Variants in POLE4 observed in about 807,000 individuals in gnomAD.
POLE4 encodes the protein DNA polymerase epsilon 4, accessory subunit.
POLE4 carries 15 observed loss-of-function variants against 15.6 expected under a neutral mutation model. The ratio of observed to expected loss-of-function variants is 0.96; its 90% CI spans 0.64 to 1.48. The LOEUF (loss-of-function observed/expected upper bound fraction) is 1.48. Among genes scored for constraint, POLE4 ranks in the 40% most tolerant of loss-of-function variants. POLE4 has a pLI of 0.00. For synonymous variants in POLE4, 83 were observed against 63.2 expected, an observed-to-expected ratio of 1.31 and a Z score of -1.49; for missense variants, 205 against 151.9, an observed-to-expected ratio of 1.35 and a Z score of -1.84.
At chr2:74,963,184 C>G (rs1401870876) in intron 3 of POLE4, among the ~76,000 whole-genome samples, 1 of 152,198 alleles carries the variant, frequency 6.6e-6, no homozygotes, top group Non-Finnish European at 1.5e-5. Context: ...GTATTCGTAT[C>G]TCCATCTTTG....
rs1218262878 is a variant in POLE4 at position 74,969,431 on chromosome 2, CG to C, written c.*13del. On this transcript the variant is annotated 3_prime_UTR_variant, in exon 4 of 4. Coordinates refer to ENST00000483063, the MANE Select transcript of POLE4 (RefSeq NM_019896.4). ...TAGGTACTTTAGATTGATTGCCGAG[CG>C]GGGCAGTTTTGTGAGCCTTCATCTG... 2 of 1,613,446 alleles carry C rather than the reference CG, an allele frequency of 1.2e-6. No individual in the cohort carries two copies. Among genetic ancestry groups the C allele is most frequent in the Admixed American group, 1.7e-5 (1 of 60,000 alleles).
At chr2:74,962,565 T>C (rs928537070) in intron 3 of POLE4, among the ~76,000 whole-genome samples, 2 of 152,248 alleles carry the variant, frequency 1.3e-5, no homozygotes, top group African/African-American at 4.8e-5. Context: ...GGATATTTTA[T>C]GCAAATATGT....
In POLE4 at chr2:74,960,041, C is replaced by G; in HGVS notation, c.299-64C>G. 2.2e-6 allele frequency: 3 copies of G among 1,388,420 alleles called. No homozygotes were observed. The East Asian group carries it at 6.8e-5, about 32-fold the overall frequency. 86.0% of individuals were successfully genotyped at this position (1,388,420 alleles called of 1,614,324 possible). On this transcript the variant is annotated intron_variant, in intron 2 of 3. Transcript: ENST00000483063. ...CTCATGCCCTTCACTGCAGATTGTG[C>G]TGTTTTCTGACTGAGGTCAGCATGG...
intron 2 of POLE4, 114 bp downstream of exon 2, chr2:74,959,539 C>T: frequency 1.5e-6 from 1 of 672,282 alleles, no homozygotes; most frequent in Non-Finnish European, 2.6e-6. Flanking sequence ...CGTCTCTCCC[C>T]AGGATGGTTT....
chr2:74,960,169 A>G (rs770207259), intron 3 of POLE4, 23 bp downstream of exon 3: 11 of 1,593,282 alleles, frequency 6.9e-6, no homozygotes, highest in East Asian at 4.5e-5. Context: ...TCAGTGGGCA[A>G]TCATTTCCGC....
intron 3 of POLE4, among the ~76,000 whole-genome samples, chr2:74,966,182 A>G (rs950937061): frequency 2.0e-5 from 3 of 151,608 alleles, no homozygotes; most frequent in African/African-American, 2.4e-5. Context: ...TCCTTAATTT[A>G]TCAAAGCCTA....
At chr2:74,961,025 CT>C (rs1240423268) in intron 3 of POLE4, 1 of 158,624 alleles carries the variant, frequency 6.3e-6, no homozygotes, top group Non-Finnish European at 1.4e-5. Context: ...TACCATCTAG[CT>C]TTGTGTAAGT....
intron 3 of POLE4, among the ~76,000 whole-genome samples, chr2:74,967,040 C>T (rs1243085617): frequency 6.6e-6 from 1 of 151,856 alleles, no homozygotes; most frequent in Non-Finnish European, 1.5e-5. Context: ...TCTGTGGTTT[C>T]ACTCTGATGT....
chr2:74,968,912 G>GT (rs1041504145), intron 3 of POLE4, among the ~76,000 whole-genome samples: 18 of 151,832 alleles, frequency 1.2e-4, no homozygotes, highest in Non-Finnish European at 2.1e-4. Context: ...CTGTTACTCA[G>GT]TTTTTTGTTG....
chr2:74,961,119 A>G (rs1671215097), intron 3 of POLE4: 1 of 152,716 alleles, frequency 6.5e-6, no homozygotes, highest in African/African-American at 2.4e-5. Context: ...GTTGAGCGAC[A>G]CATGTATTTT....
intron 3 of POLE4, among the ~76,000 whole-genome samples, chr2:74,963,180 G>A (rs187414800): frequency 7.2e-5 from 11 of 152,252 alleles, no homozygotes; most frequent in African/African-American, 1.7e-4. Context: ...TAGAGTATTC[G>A]TATCTCCATC....
At chr2:74,966,568 GT>G (rs950064117) in intron 3 of POLE4, among the ~76,000 whole-genome samples, 1 of 151,756 alleles carries the variant, frequency 6.6e-6, no homozygotes, top group Non-Finnish European at 1.5e-5. Context: ...AGCCTGGCTA[GT>G]TTTTTTTGTA....
chr2:74,966,894 A>T (rs1671303952), intron 3 of POLE4, among the ~76,000 whole-genome samples: 1 of 151,014 alleles, frequency 6.6e-6, no homozygotes, highest in Admixed American at 6.6e-5. Context: ...TTCTTTTAGC[A>T]CATTGAAGCT....
At chr2:74,968,829 G>A (rs72822163) in intron 3 of POLE4, among the ~76,000 whole-genome samples, 2,666 of 151,812 alleles carry the variant, frequency 0.018, 20 homozygotes, top group African/African-American at 0.022. Context: ...CTCCTTTTCT[G>A]CTGCAGCCCC....
Position 74,958,713 on chromosome 2 carries a change from C to T in POLE4, c.34C>T (p.Pro12Ser). The change falls in exon 1 of 4, where the codon CCC (proline) becomes TCC (serine). Residue 12 changes from proline (P) to serine (S), a missense_variant. Coordinates refer to ENST00000483063, the MANE Select transcript of POLE4 (RefSeq NM_019896.4). The stretch of plus-strand genomic sequence containing the variant: ...GGCGGCGGCGGCAGGAAGCGGGACG[C>T]CCCGAGAGGAGGAGGGACCTGCTGG... ...AAAAAAGSGT[P>S]REEEGPAGEA... 1.3e-6 allele frequency: 2 copies of T among 1,491,992 alleles called. No homozygotes were observed. The highest frequency in any genetic ancestry group is 8.9e-7 in the Non-Finnish European group (1 of 1,124,606). The allele number at this position is 1,491,992 out of a possible 1,614,324, so 92.4% of individuals were successfully genotyped here.
In POLE4 at chr2:74,961,994, C is replaced by T. The variant is rs553801214; in HGVS notation, c.340+1848C>T. Among the ~76,000 whole-genome samples, 13 of 152,236 alleles carry T rather than the reference C, an allele frequency of 8.5e-5. 1 individual carries two copies. The East Asian group carries it at 1.2e-3, about 14-fold the overall frequency. The stretch of plus-strand genomic sequence containing the variant: ...ATGGCTTATAATGAAGTACAGCTGC[C>T]GTCCACCCACTGTTTTGTTTGTGTT... On this transcript the variant is annotated intron_variant, in intron 3 of 3. Transcript: ENST00000483063.
At chr2:74,966,072 G>T (rs1203301072) in intron 3 of POLE4, among the ~76,000 whole-genome samples, 3 of 144,902 alleles carry the variant, frequency 2.1e-5, no homozygotes, top group African/African-American at 5.1e-5. Context: ...CTCAATTTTT[G>T]GCCTTCTTTT....
intron 2 of POLE4, 161 bp downstream of exon 2, chr2:74,959,586 G>A (rs371946149): frequency 3.8e-5 from 22 of 581,256 alleles, no homozygotes; most frequent in East Asian, 3.5e-4. Context: ...TACCTGTAGA[G>A]GCTGTCTGCT....
chr2:74,965,450 T>C (rs995233559), intron 3 of POLE4, among the ~76,000 whole-genome samples: 73 of 152,318 alleles, frequency 4.8e-4, no homozygotes, highest in African/African-American at 1.7e-3. Context: ...ATTGGAATTA[T>C]TTTGTTTTTG....
Sources: allele counts gnomAD v4.1 joint callset (sites outside exome capture counted in the v4.1 genomes callset), GRCh38; gene constraint gnomAD v4.1.1; transcripts MANE v1.5; gene names NCBI Gene and HGNC (gene_info 2026-07-23, HGNC 2026-07-21).